COL10A1: variants seen among roughly 807,000 people sequenced by gnomAD.
The protein encoded by COL10A1 is collagen alpha-1(X) chain.
Under a neutral mutation model 18.2 loss-of-function variants are expected in COL10A1, and 10 were observed. That is an observed-to-expected ratio of 0.55 (90% CI 0.34 to 0.93). The LOEUF (loss-of-function observed/expected upper bound fraction) is 0.93, where lower values mean the gene tolerates loss of function less well. Ranked by LOEUF, COL10A1 falls within the 40% of genes least tolerant of loss-of-function variation. COL10A1 has a pLI of 0.02. For synonymous variants in COL10A1, 330 were observed against 316.6 expected (o/e 1.04, Z -0.45); for missense variants, 897 against 853.5 (o/e 1.05, Z -0.64).
At chr6:116,214,298 C>G in the COL10A1 span, among the ~76,000 whole-genome samples, 1 of 151,958 alleles carries the variant, frequency 6.6e-6, no homozygotes, top group Non-Finnish European at 1.5e-5. Context: ...ATATATCCTT[C>G]TTATAAAGGA....
At chr6:116,198,393 G>T in the COL10A1 span, among the ~76,000 whole-genome samples, 2 of 151,972 alleles carry the variant, frequency 1.3e-5, no homozygotes, top group African/African-American at 4.8e-5. Flanking sequence ...GACTCAAGCA[G>T]CTTGTTTAAA....
chr6:116,179,443 A>G, the COL10A1 span, among the ~76,000 whole-genome samples: 1 of 151,782 alleles, frequency 6.6e-6, no homozygotes, highest in African/African-American at 2.4e-5. Flanking sequence ...AAATCAGCAG[A>G]AAAAAAACAA....
chr6:116,122,765 C>T (rs899444812), intron 2 of COL10A1, among the ~76,000 whole-genome samples: 7 of 151,778 alleles, frequency 4.6e-5, no homozygotes, highest in Non-Finnish European at 1.0e-4. Context: ...AAATGCAGAG[C>T]GAATCATTAA....
the COL10A1 span, among the ~76,000 whole-genome samples, chr6:116,215,124 G>A: frequency 1.3e-5 from 2 of 152,086 alleles, no homozygotes; most frequent in African/African-American, 4.8e-5. Context: ...TCTGAACATT[G>A]TACTGATATT....
Position 116,119,776 on chromosome 6 carries a change from T to C in COL10A1, c.*297A>G, listed in dbSNP as rs529446967. 3.7e-6 allele frequency: 1 copy of C among 267,352 alleles called. No individual in the cohort carries two copies. Among genetic ancestry groups the C allele is most frequent in the East Asian group, 6.7e-5 (1 of 14,870 alleles). 16.6% of individuals were successfully genotyped at this position (267,352 alleles called of 1,614,324 possible). ...TTTTTAATTTTTTTTTTGTTGTTTG[T>C]TTTTTGTTGTTTGTTTTTAACATAG... On this transcript the variant is annotated 3_prime_UTR_variant, in exon 3 of 3. Coordinates refer to ENST00000651968, the MANE Select transcript of COL10A1 (RefSeq NM_000493.4).
intron 1 of COL10A1, among the ~76,000 whole-genome samples, chr6:116,151,149 G>C (rs923743351): frequency 6.6e-6 from 1 of 151,930 alleles, no homozygotes; most frequent in Non-Finnish European, 1.5e-5. Context: ...CCTTCTTTTT[G>C]CTTCCGGGCA....
chr6:116,208,371 A>G, the COL10A1 span, among the ~76,000 whole-genome samples: 2 of 152,028 alleles, frequency 1.3e-5, no homozygotes, highest in African/African-American at 2.4e-5. Context: ...AAAATGTTTT[A>G]TGCTTCACAA....
chr6:116,171,236 A>G, the COL10A1 span, among the ~76,000 whole-genome samples: 3 of 149,742 alleles, frequency 2.0e-5, no homozygotes, highest in African/African-American at 5.1e-5. Context: ...TAATCACTTA[A>G]CTTATTTTTT....
At chr6:116,216,893 C>T in the COL10A1 span, among the ~76,000 whole-genome samples, 1 of 152,136 alleles carries the variant, frequency 6.6e-6, no homozygotes, top group Non-Finnish European at 1.5e-5. Context: ...TGTTCACTAG[C>T]GTGCTCTTAT....
chr6:116,159,836 T>C (rs1329324644), upstream of COL10A1, among the ~76,000 whole-genome samples: 4 of 152,116 alleles, frequency 2.6e-5, no homozygotes, highest in East Asian at 3.9e-4. Context: ...TGTCCATGTG[T>C]ACTTCACTTA....
Position 116,156,878 on chromosome 6 carries a change from A to G in COL10A1, c.-16+1736T>C, listed in dbSNP as rs546934848. ...CCCATTACATCACAACTCTTGCCAC[A>G]ACCCCTTTTGTTCTCCTCAGGAGCC... On this transcript the variant is annotated intron_variant, in intron 1 of 1. Transcript: ENST00000418500. Among the ~76,000 whole-genome samples the G allele has an allele frequency of 4.6e-5, 7 of 152,082 alleles. No individual in the cohort carries two copies. In the South Asian group the frequency reaches 1.5e-3, roughly 32 times the overall value.
the COL10A1 span, among the ~76,000 whole-genome samples, chr6:116,215,407 A>C: frequency 4.6e-5 from 7 of 152,136 alleles, no homozygotes; most frequent in African/African-American, 1.7e-4. Flanking sequence ...CAGCTCCTCC[A>C]ATGTTATGCC....
At chr6:116,153,011 G>C (rs1780087969) in intron 1 of COL10A1, among the ~76,000 whole-genome samples, 1 of 151,926 alleles carries the variant, frequency 6.6e-6, no homozygotes, top group Admixed American at 6.6e-5. Flanking sequence ...ACCACTAAAT[G>C]GCTGAACTAC....
chr6:116,214,779 T>TAG, the COL10A1 span, among the ~76,000 whole-genome samples: 1 of 152,032 alleles, frequency 6.6e-6, no homozygotes, highest in East Asian at 1.9e-4. Flanking sequence ...GCTAAAGAGT[T>TAG]ATCTGTGTTG....
At chr6:116,130,972 G>C (rs1779443732), upstream of COL10A1, among the ~76,000 whole-genome samples, 3 of 152,108 alleles carry the variant, frequency 2.0e-5, no homozygotes. Flanking sequence ...TGACACAGTT[G>C]ATTCAATGTG....
chr6:116,174,342 G>A, the COL10A1 span, among the ~76,000 whole-genome samples: 33 of 152,262 alleles, frequency 2.2e-4, no homozygotes, highest in African/African-American at 7.2e-4. Context: ...GAAATCTTCC[G>A]TAAGAAATAT....
At chr6:116,189,158 G>T in the COL10A1 span, among the ~76,000 whole-genome samples, 2 of 151,720 alleles carry the variant, frequency 1.3e-5, no homozygotes, top group South Asian at 4.1e-4. Flanking sequence ...CTTGAATTTT[G>T]TTCTTTTTTT....
intron 1 of COL10A1, among the ~76,000 whole-genome samples, chr6:116,140,716 A>G (rs141189651): frequency 6.6e-6 from 1 of 152,278 alleles, no homozygotes; most frequent in Non-Finnish European, 1.5e-5. Context: ...TTTAAATTAT[A>G]TATTTAAAAG....
chr6:116,163,239 TTTTG>T (rs1402533068), upstream of COL10A1, among the ~76,000 whole-genome samples: 1 of 149,856 alleles, frequency 6.7e-6, no homozygotes, highest in Non-Finnish European at 1.5e-5. Flanking sequence ...CTGGGTTTTT[TTTTG>T]TTGTTGTTTG....
Sources: gnomAD v4.1 joint callset for allele counts (sites outside exome capture counted in the v4.1 genomes callset) on GRCh38, gnomAD v4.1.1 for gene constraint, MANE v1.5 for transcripts, NCBI Gene and HGNC (gene_info 2026-07-23, HGNC 2026-07-21) for gene names.